The following PUS3 variants were observed in gnomAD, a reference collection of about 807,000 sequenced individuals.
PUS3 encodes the protein pseudouridine synthase 3, also known as tRNA pseudouridine(38/39) synthase.
Under a neutral mutation model 43.3 loss-of-function variants are expected in PUS3, and 36 were observed. The observed-to-expected ratio is 0.83, with a 90% CI of 0.64 to 1.10. The LOEUF (loss-of-function observed/expected upper bound fraction) is 1.10, where lower values mean the gene tolerates loss of function less well. PUS3 is among the 50% of genes least tolerant of loss of function. The pLI, the probability that PUS3 is intolerant of heterozygous loss-of-function variation, is 0.00. For missense variants in PUS3, 544 were observed against 589.9 expected, an observed-to-expected ratio of 0.92 and a Z score of 0.81; for synonymous variants, 183 against 199.2, an observed-to-expected ratio of 0.92 and a Z score of 0.69.
chr11:125,900,322 C>A, intron 1 of PUS3: 1 of 1,534,700 alleles, frequency 6.5e-7, no homozygotes, highest in Non-Finnish European at 9.0e-7. Flanking sequence ...CTCTTTATAT[C>A]TTCCCTTTTA....
chr11:125,895,588 T>C lies in PUS3; in HGVS notation c.580A>G (p.Thr194Ala), dbSNP rs1359308082. ...FSARFSCLER[T>A]YRYFFPRADL... ...GCACGAGGGAAAAAATAGCGGTAAGTCCGCTCAAGGCAGCTGAACCTAGCA... is the reference window on the plus strand; with the variant it reads ...GCACGAGGGAAAAAATAGCGGTAAGCCCGCTCAAGGCAGCTGAACCTAGCA... The change falls in exon 3 of 4, where the codon ACT (threonine) becomes GCT (alanine). Residue 194 changes from threonine (T) to alanine (A), a missense_variant. Physicochemically the swap from Thr to Ala is moderately conservative, Grantham distance 58 (BLOSUM62 0). Transcript: ENST00000227474. The C allele has an allele frequency of 4.3e-6, 7 of 1,614,204 alleles. 1 individual carries two copies. The South Asian group carries it at 5.5e-5, about 13-fold the overall frequency.
At position 125,894,102 on chromosome 11, in the gene PUS3, C is replaced by T; in HGVS notation, c.1129G>A (p.Gly377Arg). The T allele has an allele frequency of 6.2e-7, 1 of 1,614,132 alleles. No homozygotes were observed. The highest frequency in any genetic ancestry group is 8.5e-7 in the Non-Finnish European group (1 of 1,180,034). Residue 377 changes from glycine (G) to arginine (R), a missense_variant, in exon 4 of 4, where the codon GGA (glycine) becomes AGA (arginine). Coordinates refer to ENST00000227474, the MANE Select transcript of PUS3 (RefSeq NM_031307.4). ...ATTCCATCCATCTTTGGTCCTATTC[C>T]ACAGGGTACTGGAACAGTGTCCAGT... ...QGLDTVPVPC[G>R]IGPKMDGMTE...
Position 125,899,384 on chromosome 11 carries a change from C to T in PUS3, c.-46-3054G>A, listed in dbSNP as rs1944688134. On this transcript the variant is annotated intron_variant, in intron 1 of 3. Transcript: ENST00000227474. ...AGGGGAAGCAATGGAAGAACTTCTA[C>T]CTGATGGACAAATATGGGCTAATAT... The T allele has an allele frequency of 2.5e-6, 4 of 1,613,948 alleles. No individual in the cohort carries two copies. In the South Asian group the frequency reaches 4.4e-5, roughly 18 times the overall value.
chr11:125,897,626 A>G (rs957453579), intron 1 of PUS3, among the ~76,000 whole-genome samples: 2 of 152,196 alleles, frequency 1.3e-5, no homozygotes, highest in South Asian at 2.1e-4. Context: ...AAAATTTTAA[A>G]TGCTCAATTT....
chr11:125,895,510 G>A lies in PUS3; in HGVS notation c.658C>T (p.His220Tyr). The change falls in exon 3 of 4, where the codon CAT becomes TAT. Residue 220 changes from histidine to tyrosine, a missense_variant. By Grantham distance (83) the His-to-Tyr change is moderately conservative. Transcript: ENST00000227474. ...ATTTTACACAAGTTCCTGAAATCAT[G>A]GGTGCCAACATACTTCTGAGCTGCA... ...DYAAQKYVGTHDFRNLCKMDV... is the reference protein window; with the variant it reads ...DYAAQKYVGTYDFRNLCKMDV... 1 of 1,614,128 alleles carries A rather than the reference G, an allele frequency of 6.2e-7. No homozygotes were observed. Among genetic ancestry groups the A allele is most frequent in the Non-Finnish European group, 8.5e-7 (1 of 1,180,038 alleles).
chr11:125,900,388 C>T, intron 1 of PUS3: 1 of 923,032 alleles, frequency 1.1e-6, no homozygotes, highest in Non-Finnish European at 1.7e-6. Context: ...AAGGACTTCA[C>T]CTATCATTGG....
chr11:125,899,182 T>C (rs1166091120), intron 1 of PUS3: 5 of 594,902 alleles, frequency 8.4e-6, no homozygotes, highest in Non-Finnish European at 1.5e-5. Flanking sequence ...TAGAACTGAG[T>C]TAATGCCCCT....
At chr11:125,902,379 G>T (rs1383590604) in intron 1 of PUS3, among the ~76,000 whole-genome samples, 2 of 151,934 alleles carry the variant, frequency 1.3e-5, no homozygotes, top group South Asian at 2.1e-4. Flanking sequence ...GTGGTGGCGG[G>T]GGGGAGGGGG....
Position 125,895,286 on chromosome 11 carries a change from C to A in PUS3, c.882G>T (p.Glu294Asp). 6.2e-7 allele frequency: 1 copy of A among 1,613,124 alleles called. No homozygotes were observed. The highest frequency in any genetic ancestry group is 8.5e-7 in the Non-Finnish European group (1 of 1,179,630). Residue 294 changes from glutamate to aspartate, a missense_variant, in exon 3 of 4, where the codon GAG (glutamate) becomes GAT (aspartate). Glu to Asp is a conservative substitution (Grantham distance 45). Transcript: ENST00000227474. Reference sequence around the variant, plus strand: ...GCAGCTCATCAATAATCTCTGGCTTCTCCATTCCTTGGCCAATCAGAAAGA... The same window carrying A: ...GCAGCTCATCAATAATCTCTGGCTTATCCATTCCTTGGCCAATCAGAAAGA... ...AILFLIGQGM[E>D]KPEIIDELLN...
intron 1 of PUS3, among the ~76,000 whole-genome samples, 190 bp downstream of exon 1, chr11:125,902,980 C>T (rs576866376): frequency 6.6e-6 from 1 of 150,558 alleles, no homozygotes; most frequent in Admixed American, 6.6e-5. Flanking sequence ...CCAGAAAGTA[C>T]CAGGCACAAA....
intron 1 of PUS3, among the ~76,000 whole-genome samples, chr11:125,897,596 CTTATAAAAATT>C (rs1944627010): frequency 6.6e-6 from 1 of 150,578 alleles, no homozygotes; most frequent in Admixed American, 6.6e-5. Context: ...AAGAAAAAAG[CTTATAAAAATT>C]TTTTAAAAAA....
chr11:125,896,161 T>C lies in PUS3; in HGVS notation c.124A>G (p.Arg42Gly). ...QAKNKEDSNIRENSAGAGKTK... is the reference protein window; with the variant it reads ...QAKNKEDSNIGENSAGAGKTK... Reference sequence around the variant, plus strand: ...TTTCCAGCTCCTGCTGAATTTTCTCTAATGTTTGAGTCCTCCTTATTTTTG... The same window carrying C: ...TTTCCAGCTCCTGCTGAATTTTCTCCAATGTTTGAGTCCTCCTTATTTTTG... Residue 42 changes from arginine (R) to glycine (G), a missense_variant, in exon 2 of 4, where the codon AGA becomes GGA. Physicochemically the swap from Arg to Gly is moderately radical, Grantham distance 125. Coordinates refer to ENST00000227474, the MANE Select transcript of PUS3 (RefSeq NM_031307.4). The C allele has an allele frequency of 6.2e-7, 1 of 1,614,224 alleles. No individual in the cohort carries two copies. Among genetic ancestry groups the C allele is most frequent in the East Asian group, 2.2e-5 (1 of 44,890 alleles).
At chr11:125,899,460 G>A (rs771283308) in intron 1 of PUS3, 12 of 1,614,052 alleles carry the variant, frequency 7.4e-6, no homozygotes, top group South Asian at 4.4e-5. Context: ...ACCCACATCT[G>A]TGCAGGGCAG....
Position 125,893,998 on chromosome 11 carries a change from A to G in PUS3, c.1233T>C (p.Tyr411=). 6.2e-7 allele frequency: 1 copy of G among 1,614,114 alleles called. No individual in the cohort carries two copies. Residue 411 remains tyrosine (Y), a synonymous_variant, in exon 4 of 4, where the codon TAT becomes TAC. Coordinates refer to ENST00000227474, the MANE Select transcript of PUS3 (RefSeq NM_031307.4). ...AFVEGVKMRT[Y]KPLMDRPKCQ... is the part of the protein sequence containing the mutation. The stretch of plus-strand genomic sequence containing the variant: ...ATTTAGGACGGTCCATGAGGGGCTT[A>G]TATGTGCGCATCTTCACTCCTTCTA...
chr11:125,893,590 A>C lies in PUS3; in HGVS notation c.*195T>G. The C allele has an allele frequency of 4.2e-6, 2 of 473,274 alleles. No homozygotes were observed. Among genetic ancestry groups the C allele is most frequent in the Non-Finnish European group, 3.6e-6 (1 of 274,492 alleles). 29.3% of individuals were successfully genotyped at this position (473,274 alleles called of 1,614,324 possible). ...TTCTTTAATCGCTTAATCCTTTTGG[A>C]CCGGGATAAGAGAATATTTGAAATT... On this transcript the variant is annotated 3_prime_UTR_variant, in exon 4 of 4. Coordinates refer to ENST00000227474, the MANE Select transcript of PUS3 (RefSeq NM_031307.4).
intron 1 of PUS3, chr11:125,900,653 T>G (rs1161948512): frequency 3.8e-6 from 1 of 263,424 alleles, no homozygotes; most frequent in East Asian, 1.2e-4. Context: ...TTCATGAACT[T>G]GAACATTATT....
At position 125,902,198 on chromosome 11, in the gene PUS3, C is replaced by CGTT. The variant is rs1374124121; in HGVS notation, c.-47+969_-47+971dup. Among the ~76,000 whole-genome samples, 3 of 152,132 alleles carry CGTT rather than the reference C, an allele frequency of 2.0e-5. 1 individual carries two copies. The highest frequency in any genetic ancestry group is 4.4e-5 in the Non-Finnish European group (3 of 68,020). ...TGAAGTGCAGGAGTTCCCAAGCAGA[C>CGTT]GTTTAAAGTAACACCCTGGCCAGGG... On this transcript the variant is annotated intron_variant, in intron 1 of 3. Transcript: ENST00000227474.
At chr11:125,896,996 A>G (rs145212105) in intron 1 of PUS3, among the ~76,000 whole-genome samples, 6 of 152,344 alleles carry the variant, frequency 3.9e-5, no homozygotes, top group African/African-American at 1.4e-4. Flanking sequence ...ATATTTTGAT[A>G]AAAGATTTCT....
chr11:125,895,152 T>G, intron 3 of PUS3, 72 bp downstream of exon 3: 2 of 1,278,940 alleles, frequency 1.6e-6, no homozygotes, highest in Non-Finnish European at 2.1e-6. Flanking sequence ...CTTCAAGCAA[T>G]TCTTGTGCCT....
Sources: gnomAD v4.1 joint callset for allele counts (sites outside exome capture counted in the v4.1 genomes callset) on GRCh38, gnomAD v4.1.1 for gene constraint, MANE v1.5 for transcripts, NCBI Gene and HGNC (gene_info 2026-07-23, HGNC 2026-07-21) for gene names.